The following FGF10 variants were observed in gnomAD, a reference collection of about 807,000 sequenced individuals.
The protein encoded by FGF10 is fibroblast growth factor 10, also known as FGF-10.
In FGF10, 2 loss-of-function variants were observed where a neutral mutation model predicts 19.8. The observed-to-expected ratio is 0.10, with a 90% CI of 0.04 to 0.32. The LOEUF (loss-of-function observed/expected upper bound fraction) is 0.32. FGF10 is among the 10% of genes least tolerant of loss of function. FGF10 has a pLI of 1.00. For missense variants in FGF10, 191 were observed against 246.3 expected, an observed-to-expected ratio of 0.78 and a Z score of 1.50; for synonymous variants, 112 against 94.0, an observed-to-expected ratio of 1.19 and a Z score of -1.10.
rs17227885 is a variant in FGF10 at position 44,334,983 on chromosome 5, T to A, written c.326-24453A>T. ...TCACTTGAACATTTTCCCCTACTAA[T>A]GTTAGGATTTTAAAAAGATATAATA... On this transcript the variant is annotated intron_variant, in intron 1 of 2. Coordinates refer to ENST00000264664, the MANE Select transcript of FGF10 (RefSeq NM_004465.2). 5.7e-3 allele frequency among the ~76,000 whole-genome samples: 874 copies of A among 152,282 alleles called. 9 individuals are homozygous for A. Among genetic ancestry groups the A allele is most frequent in the Middle Eastern group, 0.02 (6 of 294 alleles).
At chr5:44,329,807 C>A (rs1006831628) in intron 1 of FGF10, among the ~76,000 whole-genome samples, 5 of 152,098 alleles carry the variant, frequency 3.3e-5, no homozygotes, top group African/African-American at 1.2e-4. Context: ...TTGGCAAGAC[C>A]TTGTTCCAGT....
intron 1 of FGF10, among the ~76,000 whole-genome samples, chr5:44,345,231 GA>G (rs1741060921): frequency 6.6e-6 from 1 of 151,636 alleles, no homozygotes; most frequent in African/African-American, 2.4e-5. Context: ...TATACTGCTG[GA>G]AAATAATGAA....
intron 1 of FGF10, among the ~76,000 whole-genome samples, chr5:44,372,183 G>A (rs1741755941): frequency 6.6e-6 from 1 of 152,126 alleles, no homozygotes; most frequent in Non-Finnish European, 1.5e-5. Flanking sequence ...CTCTCCAGGG[G>A]ACAGCGTCCA....
chr5:44,322,403 C>T (rs1232921319), intron 1 of FGF10, among the ~76,000 whole-genome samples: 1 of 152,124 alleles, frequency 6.6e-6, no homozygotes, highest in East Asian at 1.9e-4. Context: ...AGAGGCTGAG[C>T]CAGGGCCTTC....
intron 1 of FGF10, among the ~76,000 whole-genome samples, chr5:44,383,346 A>G (rs1286547994): frequency 2.6e-5 from 4 of 152,120 alleles, no homozygotes; most frequent in Non-Finnish European, 5.9e-5. Flanking sequence ...AGAAACTATG[A>G]AGACAGTGGA....
intron 1 of FGF10, among the ~76,000 whole-genome samples, chr5:44,358,104 A>G (rs1403122247): frequency 6.6e-6 from 1 of 151,522 alleles, no homozygotes; most frequent in African/African-American, 2.4e-5. Context: ...CAGAAAGAAT[A>G]TTATACATAA....
intron 1 of FGF10, among the ~76,000 whole-genome samples, chr5:44,332,625 T>C (rs1740761392): frequency 6.6e-6 from 1 of 152,162 alleles, no homozygotes; most frequent in African/African-American, 2.4e-5. Context: ...AAAATAGCGC[T>C]TCTCAAGCTA....
intron 1 of FGF10, among the ~76,000 whole-genome samples, chr5:44,342,583 G>A (rs1001010214): frequency 2.0e-5 from 3 of 151,540 alleles, no homozygotes; most frequent in Non-Finnish European, 4.4e-5. Flanking sequence ...TATAGGTTAA[G>A]CACTCTAGTA....
chr5:44,304,927 TGAA>T lies in FGF10; in HGVS notation c.*65_*67del. 6.9e-7 allele frequency: 1 copy of T among 1,445,884 alleles called. No homozygotes were observed. Among genetic ancestry groups the T allele is most frequent in the Non-Finnish European group, 9.7e-7 (1 of 1,027,280 alleles). 89.6% of individuals were successfully genotyped at this position (1,445,884 alleles called of 1,614,324 possible). On this transcript the variant is annotated 3_prime_UTR_variant, in exon 3 of 3. Coordinates refer to ENST00000264664, the MANE Select transcript of FGF10 (RefSeq NM_004465.2). ...TTTGCCTTTCAATCTACTGTCTTCATGAAGAATATCCACTATTCTTGGCAAAAG... is the reference window on the plus strand; with the variant it reads ...TTTGCCTTTCAATCTACTGTCTTCATGAATATCCACTATTCTTGGCAAAAG...
At chr5:44,306,599 C>T (rs1740081904) in intron 2 of FGF10, among the ~76,000 whole-genome samples, 1 of 152,128 alleles carries the variant, frequency 6.6e-6, no homozygotes, top group African/African-American at 2.4e-5. Flanking sequence ...TTTGAAATTT[C>T]TACAAAATTC....
chr5:44,311,663 C>T (rs896823072), intron 1 of FGF10, among the ~76,000 whole-genome samples: 1 of 152,026 alleles, frequency 6.6e-6, no homozygotes, highest in African/African-American at 2.4e-5. Context: ...TCTTAATTAT[C>T]ATCAGAGGGT....
At chr5:44,326,600 G>A (rs1406078996) in intron 1 of FGF10, among the ~76,000 whole-genome samples, 1 of 151,414 alleles carries the variant, frequency 6.6e-6, no homozygotes, top group Non-Finnish European at 1.5e-5. Flanking sequence ...TAGAGACAGA[G>A]GTCTCACTAT....
chr5:44,324,549 A>G (rs903256455), intron 1 of FGF10, among the ~76,000 whole-genome samples: 1 of 152,158 alleles, frequency 6.6e-6, no homozygotes, highest in African/African-American at 2.4e-5. Context: ...CTCTCTTAAT[A>G]TTATTTATTG....
At chr5:44,368,428 A>G (rs1741668971) in intron 1 of FGF10, among the ~76,000 whole-genome samples, 1 of 151,868 alleles carries the variant, frequency 6.6e-6, no homozygotes, top group Non-Finnish European at 1.5e-5. Flanking sequence ...AAACCTCCAC[A>G]CCTCCATGAA....
intron 1 of FGF10, among the ~76,000 whole-genome samples, chr5:44,322,550 T>C (rs1055281657): frequency 1.3e-5 from 2 of 152,204 alleles, no homozygotes; most frequent in African/African-American, 2.4e-5. Context: ...TTGTCCATGT[T>C]AGAAAAGGAT....
chr5:44,365,197 A>T (rs1741576844), intron 1 of FGF10, among the ~76,000 whole-genome samples: 1 of 151,798 alleles, frequency 6.6e-6, no homozygotes, highest in African/African-American at 2.4e-5. Flanking sequence ...CTCAGACTTT[A>T]TACCCCAAGA....
chr5:44,366,127 C>CCTTTTT (rs1554039043), intron 1 of FGF10, among the ~76,000 whole-genome samples: 1 of 74,810 alleles, frequency 1.3e-5, no homozygotes, highest in African/African-American at 5.1e-5. Context: ...CAATTATTTC[C>CCTTTTT]TTTTTTTTTT....
At chr5:44,370,506 C>A (rs1291573673) in intron 1 of FGF10, among the ~76,000 whole-genome samples, 1 of 152,032 alleles carries the variant, frequency 6.6e-6, no homozygotes, top group African/African-American at 2.4e-5. Context: ...CCTAATTGCA[C>A]CACCTTTCCC....
In FGF10 at chr5:44,308,498, C is replaced by T. The variant is rs796747591; in HGVS notation, c.429+1929G>A. On this transcript the variant is annotated intron_variant, in intron 2 of 2. Transcript: ENST00000264664. ...AAAGAATATGTACCTGGTTCTCTTC[C>T]CCAATAATTCTGATATAGTAGATCA... 1.4e-4 allele frequency among the ~76,000 whole-genome samples: 22 copies of T among 152,038 alleles called. 2 individuals are homozygous for T. The highest frequency in any genetic ancestry group is 5.3e-4 in the African/African-American group (22 of 41,476).
Sources: allele counts gnomAD v4.1 joint callset (sites outside exome capture counted in the v4.1 genomes callset), GRCh38; gene constraint gnomAD v4.1.1; transcripts MANE v1.5; gene names NCBI Gene and HGNC (gene_info 2026-07-23, HGNC 2026-07-21).